The following LDLRAD3 variants were observed in gnomAD, a reference collection of about 807,000 sequenced individuals.
LDLRAD3 encodes the protein low density lipoprotein receptor class A domain containing 3.
LDLRAD3 carries 20 observed loss-of-function variants against 29.4 expected under a neutral mutation model. The observed-to-expected ratio is 0.68, with a 90% CI of 0.48 to 0.99. The LOEUF is 0.99. Among genes scored for constraint, LDLRAD3 ranks in the 50% least tolerant of loss-of-function variants. The pLI, the probability that LDLRAD3 is intolerant of heterozygous loss-of-function variation, is 0.00. For synonymous variants in LDLRAD3, 157 were observed against 192.7 expected, an observed-to-expected ratio of 0.81 and a Z score of 1.53; for missense variants, 420 against 454.3, an observed-to-expected ratio of 0.92 and a Z score of 0.69.
chr11:36,134,591 C>T (rs948920322), intron 4 of LDLRAD3, among the ~76,000 whole-genome samples: 1 of 152,168 alleles, frequency 6.6e-6, no homozygotes, highest in Non-Finnish European at 1.5e-5. Context: ...CTCTTGTAGG[C>T]CCCCTTCACA....
intron 3 of LDLRAD3, among the ~76,000 whole-genome samples, chr11:36,094,171 C>T (rs4756271): frequency 0.026 from 3,959 of 152,326 alleles, 129 homozygotes; most frequent in Admixed American, 0.11. Context: ...TTCCTGGCAC[C>T]ATCACTGCTT....
chr11:36,016,585 C>T (rs1852025677), intron 1 of LDLRAD3, among the ~76,000 whole-genome samples: 1 of 152,256 alleles, frequency 6.6e-6, no homozygotes, highest in Non-Finnish European at 1.5e-5. Flanking sequence ...CGTAAGTTCT[C>T]CAGGCATATT....
At chr11:35,998,806 G>A (rs1292629650) in intron 1 of LDLRAD3, among the ~76,000 whole-genome samples, 1 of 152,162 alleles carries the variant, frequency 6.6e-6, no homozygotes, top group African/African-American at 2.4e-5. Flanking sequence ...TCTAAGTCAG[G>A]CCCTATTAAA....
At chr11:36,042,580 C>A (rs1852395973) in intron 2 of LDLRAD3, among the ~76,000 whole-genome samples, 1 of 152,106 alleles carries the variant, frequency 6.6e-6, no homozygotes, top group Non-Finnish European at 1.5e-5. Flanking sequence ...TGAATTATAG[C>A]CCAGCCTTCC....
At chr11:36,104,350 T>G (rs1489254742) in intron 4 of LDLRAD3, among the ~76,000 whole-genome samples, 1 of 152,180 alleles carries the variant, frequency 6.6e-6, no homozygotes, top group Admixed American at 6.5e-5. Context: ...AGCCAGGGTG[T>G]GGCCACTCCT....
At chr11:36,070,646 G>A (rs910845324) in intron 2 of LDLRAD3, among the ~76,000 whole-genome samples, 6 of 152,160 alleles carry the variant, frequency 3.9e-5, no homozygotes, top group African/African-American at 1.4e-4. Flanking sequence ...ATCGGTCAGA[G>A]CAGGATGTTC....
intron 3 of LDLRAD3, among the ~76,000 whole-genome samples, chr11:36,093,945 G>A (rs1046390208): frequency 5.9e-5 from 9 of 152,186 alleles, no homozygotes; most frequent in African/African-American, 1.7e-4. Context: ...AAAGGTGGGC[G>A]TGACAATGTA....
intron 1 of LDLRAD3, among the ~76,000 whole-genome samples, chr11:35,992,070 G>A (rs114767533): frequency 0.019 from 2,835 of 152,206 alleles, 93 homozygotes; most frequent in African/African-American, 0.063. Flanking sequence ...AGCAGCTCCT[G>A]TGAGCATGGA....
chr11:35,958,927 G>A (rs957784366), intron 1 of LDLRAD3, among the ~76,000 whole-genome samples: 2 of 152,094 alleles, frequency 1.3e-5, no homozygotes, highest in African/African-American at 4.8e-5. Flanking sequence ...GACCCTCCTG[G>A]AAACTTTGCA....
chr11:36,096,345 A>G (rs1663734270), intron 3 of LDLRAD3, among the ~76,000 whole-genome samples: 1 of 152,210 alleles, frequency 6.6e-6, no homozygotes, highest in South Asian at 2.1e-4. Flanking sequence ...GTTGAGGACC[A>G]CAGAGAGACG....
chr11:36,144,809 G>C (rs1419103488), intron 4 of LDLRAD3, among the ~76,000 whole-genome samples: 1 of 134,558 alleles, frequency 7.4e-6, no homozygotes, highest in Non-Finnish European at 1.6e-5. Context: ...GGAGGTGGGG[G>C]GGTCAGCCCC....
rs570661880 is a variant in LDLRAD3 at position 36,097,781 on chromosome 11, A to G, written c.320-546A>G. Among the ~76,000 whole-genome samples the G allele has an allele frequency of 1.4e-4, 21 of 152,326 alleles. No individual in the cohort carries two copies. In the East Asian group the frequency reaches 1.7e-3, roughly 13 times the overall value. Reference sequence around the variant, plus strand: ...GACTTGATCACATCATGCATTATGTATATGTAGCAAAATTTCTCCTGTACC... The same window carrying G: ...GACTTGATCACATCATGCATTATGTGTATGTAGCAAAATTTCTCCTGTACC... On this transcript the variant is annotated intron_variant, in intron 3 of 5. Coordinates refer to ENST00000315571, the MANE Select transcript of LDLRAD3 (RefSeq NM_174902.4).
chr11:35,987,006 G>A (rs1047506982), intron 1 of LDLRAD3, among the ~76,000 whole-genome samples: 1 of 152,184 alleles, frequency 6.6e-6, no homozygotes, highest in African/African-American at 2.4e-5. Context: ...CTCAGCAAAG[G>A]TTAGTTGAGT....
At chr11:35,947,093 T>C (rs191314551) in intron 1 of LDLRAD3, among the ~76,000 whole-genome samples, 95 of 152,182 alleles carry the variant, frequency 6.2e-4, no homozygotes, top group African/African-American at 2.1e-3. Flanking sequence ...TGAAGAGTGG[T>C]TTAGACACCT....
rs1231257315 is a variant in LDLRAD3, at chr11:36,083,757, C to T, written c.319+1979C>T. 5.3e-5 allele frequency among the ~76,000 whole-genome samples: 8 copies of T among 151,374 alleles called. No individual in the cohort carries two copies. The East Asian group carries it at 5.8e-4, about 11-fold the overall frequency. ...AATTACACACACACACACACACACA[C>T]ACACACACACACACACACACACACC... On this transcript the variant is annotated intron_variant, in intron 3 of 5. Transcript: ENST00000315571.
intron 2 of LDLRAD3, among the ~76,000 whole-genome samples, chr11:36,061,243 A>T (rs1206413259): frequency 6.6e-6 from 1 of 152,120 alleles, no homozygotes; most frequent in Non-Finnish European, 1.5e-5. Flanking sequence ...AGTTCCAGTG[A>T]TTCTTCTGCC....
intron 4 of LDLRAD3, among the ~76,000 whole-genome samples, chr11:36,112,765 A>T (rs2133288418): frequency 6.6e-6 from 1 of 152,360 alleles, no homozygotes; most frequent in South Asian, 2.1e-4. Flanking sequence ...GTGCTGGTCC[A>T]CCTAGAGGCC....
At chr11:36,006,243 A>G (rs916045257) in intron 1 of LDLRAD3, among the ~76,000 whole-genome samples, 7 of 152,164 alleles carry the variant, frequency 4.6e-5, no homozygotes, top group African/African-American at 1.2e-4. Context: ...CAGAGTTACA[A>G]TTAATTCACA....
At chr11:36,171,630 G>A (rs1474784160) in intron 4 of LDLRAD3, among the ~76,000 whole-genome samples, 2 of 152,178 alleles carry the variant, frequency 1.3e-5, no homozygotes, top group East Asian at 1.9e-4. Context: ...TCAGTTGACT[G>A]CAAGTATTTG....
Sources: gnomAD v4.1 joint callset for allele counts (sites outside exome capture counted in the v4.1 genomes callset) on GRCh38, gnomAD v4.1.1 for gene constraint, MANE v1.5 for transcripts, NCBI Gene and HGNC (gene_info 2026-07-23, HGNC 2026-07-21) for gene names.